The following DNAH2 variants were observed in gnomAD, a reference collection of about 807,000 sequenced individuals.
DNAH2 encodes axonemal beta dynein heavy chain 2.
In DNAH2, 323 loss-of-function variants were observed where a neutral mutation model predicts 523.5. The observed-to-expected ratio is 0.62, with a 90% CI of 0.56 to 0.68. The LOEUF (loss-of-function observed/expected upper bound fraction) is 0.68. Ranked by LOEUF, DNAH2 falls within the 30% of genes least tolerant of loss-of-function variation. The pLI is 0.00. For missense variants in DNAH2, 4,907 were observed against 5,701.5 expected (o/e 0.86, Z 4.49); for synonymous variants, 2,093 against 2,177.4 (o/e 0.96, Z 1.08).
rs778946366 is a variant in DNAH2 at position 7,764,223 on chromosome 17, C to T, written c.3286C>T (p.His1096Tyr). 6.2e-7 allele frequency: 1 copy of T among 1,613,742 alleles called. No homozygotes were observed. The highest frequency in any genetic ancestry group is 8.5e-7 in the Non-Finnish European group (1 of 1,179,872). Residue 1096 changes from histidine to tyrosine, a missense_variant, in exon 20 of 86, where the codon CAC becomes TAC. Transcript: ENST00000572933. Reference protein sequence around the residue: ...ANVETQIPPIHEQFAILEKYE... With the variant: ...ANVETQIPPIYEQFAILEKYE... ...CGTGGAGACTCAGATCCCTCCCATA[C>T]ACGAGCAATTTGCCATTCTTGAAAA...
intron 12 of DNAH2, chr17:7,743,363 CAACAA>C (rs916387615): frequency 3.1e-5 from 22 of 710,242 alleles, no homozygotes; most frequent in Non-Finnish European, 5.4e-5. Flanking sequence ...TCTTAAAACA[CAACAA>C]AACAAAACAA....
At chr17:7,784,751 A>G (rs1428535305) in intron 39 of DNAH2, among the ~76,000 whole-genome samples, 1 of 152,210 alleles carries the variant, frequency 6.6e-6, no homozygotes, top group Non-Finnish European at 1.5e-5. Flanking sequence ...CTTTATGGCA[A>G]GAAGCAATCG....
At chr17:7,737,981 C>T (rs552424025) in intron 8 of DNAH2, 169 of 703,064 alleles carry the variant, frequency 2.4e-4, no homozygotes, top group African/African-American at 2.3e-3. Context: ...TGAGATCATC[C>T]GCTTATGCTG....
chr17:7,817,440 A>T (rs9904219), intron 65 of DNAH2, 25 bp downstream of exon 65: 1 of 1,613,736 alleles, frequency 6.2e-7, no homozygotes, highest in South Asian at 1.1e-5. Flanking sequence ...AGGCATGACA[A>T]GTAGGCTCCG....
At chr17:7,818,573 G>A (rs747811141) in intron 69 of DNAH2, 70 bp from the exon 70 acceptor site, 136 of 1,604,436 alleles carry the variant, frequency 8.5e-5, no homozygotes, top group Middle Eastern at 3.3e-4. Flanking sequence ...GTCTTTCAAG[G>A]TGGAAAGAGA....
chr17:7,823,395 G>T, intron 73 of DNAH2, 47 bp from the exon 74 acceptor site: 5 of 1,497,240 alleles, frequency 3.3e-6, no homozygotes, highest in Non-Finnish European at 4.6e-6. Context: ...CTCTTCTTTT[G>T]AAGTATTCCC....
intron 28 of DNAH2, among the ~76,000 whole-genome samples, 161 bp downstream of exon 28, chr17:7,771,629 A>C (rs924547858): frequency 1.3e-5 from 2 of 152,230 alleles, no homozygotes; most frequent in African/African-American, 4.8e-5. Context: ...TCTGTAAATT[A>C]AACTCAACAA....
chr17:7,823,092 G>C (rs1412279136), intron 73 of DNAH2, among the ~76,000 whole-genome samples: 1 of 152,040 alleles, frequency 6.6e-6, no homozygotes, highest in Non-Finnish European at 1.5e-5. Flanking sequence ...TCAGGAGTTC[G>C]AGACCAGCCT....
intron 28 of DNAH2, among the ~76,000 whole-genome samples, chr17:7,772,859 C>T (rs1284378367): frequency 6.6e-6 from 1 of 152,160 alleles, no homozygotes; most frequent in Non-Finnish European, 1.5e-5. Flanking sequence ...CCACAACCTC[C>T]ACCTCCCGGT....
Position 7,832,928 on chromosome 17 carries a change from G to T in DNAH2, c.12978G>T (p.Lys4326Asn). Residue 4326 changes from lysine (K) to asparagine (N), a missense_variant and splice_region_variant, in exon 84 of 86, where the codon AAG (lysine) becomes AAT (asparagine). Around this residue, in one of 3 missense-constraint regions of DNAH2, gnomAD observed 1,851 missense variants for 2,139.4 expected, o/e 0.87. Transcript: ENST00000572933. This position sits in a 1 kb window ranked among gnomAD's most constrained non-coding sequence, Gnocchi z 4.3. ...VDDSNLVYPP[K>N]DGVWVRGLYL... ...ACAGCAACCTAGTGTATCCCCCCAA[G>T]GTGGGAGCCAGTTGTGCTTGGGGCT... 3 of 1,614,196 alleles carry T rather than the reference G, an allele frequency of 1.9e-6. No homozygotes were observed. The highest frequency in any genetic ancestry group is 2.5e-6 in the Non-Finnish European group (3 of 1,180,024).
At chr17:7,741,084 A>G in intron 11 of DNAH2, 92 bp downstream of exon 11, 1 of 1,474,678 alleles carries the variant, frequency 6.8e-7, no homozygotes, top group Non-Finnish European at 9.1e-7. Flanking sequence ...AAGAGTCTTC[A>G]GGACCAGCAC....
rs1326854968 is a variant in DNAH2 at position 7,817,687 on chromosome 17, A to G, written c.10147A>G (p.Ile3383Val). 6.2e-7 allele frequency: 1 copy of G among 1,614,174 alleles called. No homozygotes were observed. The highest frequency in any genetic ancestry group is 1.7e-5 in the Admixed American group (1 of 60,034). ...PSDAFSTENG[I>V]IVTRGNRWAL... ...AGACGCCTTCTCCACTGAGAATGGCATCATCGTCACCCGAGGCAACAGGTG... is the reference window on the plus strand; with the variant it reads ...AGACGCCTTCTCCACTGAGAATGGCGTCATCGTCACCCGAGGCAACAGGTG... The change falls in exon 66 of 86, where the codon ATC becomes GTC. Residue 3383 changes from isoleucine to valine, a missense_variant. By Grantham distance (29) the Ile-to-Val change is conservative (BLOSUM62 3). Coordinates refer to ENST00000572933, the MANE Select transcript of DNAH2 (RefSeq NM_020877.5).
Position 7,799,133 on chromosome 17 carries a change from G to A in DNAH2, c.8590G>A (p.Val2864Met). The A allele has an allele frequency of 2.5e-6, 4 of 1,614,206 alleles. No individual in the cohort carries two copies. Among genetic ancestry groups the A allele is most frequent in the Non-Finnish European group, 3.4e-6 (4 of 1,180,042 alleles). Reference protein sequence around the residue: ...IQSHIIDQARVEQVPESSDSL... With the variant: ...IQSHIIDQARMEQVPESSDSL... The stretch of plus-strand genomic sequence containing the variant: ...GTCGCATATCATAGACCAGGCCCGG[G>A]TGGAGCAGGTGCCTGAGTCATCGGA... Residue 2864 changes from valine to methionine, a missense_variant, in exon 56 of 86, where the codon GTG (valine) becomes ATG (methionine). Coordinates refer to ENST00000572933, the MANE Select transcript of DNAH2 (RefSeq NM_020877.5).
At position 7,801,927 on chromosome 17, in the gene DNAH2, C is replaced by T; in HGVS notation, c.8882C>T (p.Ala2961Val). Residue 2961 changes from alanine (A) to valine (V), a missense_variant, in exon 58 of 86, where the codon GCT becomes GTT. Transcript: ENST00000572933. ...TTTGTCACTATGCACTGGTCAGTAG[C>T]TCAGTATTCCCAGAAGATGCTGTTG... ...QIFVTMHWSV[A>V]QYSQKMLLEL... 6 of 1,614,232 alleles carry T rather than the reference C, an allele frequency of 3.7e-6. No homozygotes were observed. Among genetic ancestry groups the T allele is most frequent in the Non-Finnish European group, 5.1e-6 (6 of 1,180,042 alleles).
Position 7,760,719 on chromosome 17 carries a change from A to G in DNAH2, c.2786-21A>G. 1.9e-6 allele frequency: 3 copies of G among 1,603,682 alleles called. No individual in the cohort carries two copies. The African/African-American group carries it at 4.0e-5, about 21-fold the overall frequency. On this transcript the variant is annotated intron_variant, in intron 17 of 85. Coordinates refer to ENST00000572933, the MANE Select transcript of DNAH2 (RefSeq NM_020877.5). This position sits in a 1 kb window ranked among gnomAD's most constrained non-coding sequence, Gnocchi z 4.0. The stretch of plus-strand genomic sequence containing the variant: ...GTTGGGGTGGAAGTCAGTGAGAAGC[A>G]TCTTTCTTGGTCCTTTGAAGAGCAA...
At chr17:7,797,894 A>AG (rs1271907071) in intron 53 of DNAH2, 65 bp downstream of exon 53, 10 of 1,532,584 alleles carry the variant, frequency 6.5e-6, no homozygotes, top group Non-Finnish European at 8.8e-6. Context: ...CTAAGGAAAT[A>AG]GGGGTCCCTT....
intron 4 of DNAH2, among the ~76,000 whole-genome samples, chr17:7,732,363 G>T (rs1272063640): frequency 6.7e-6 from 1 of 149,886 alleles, no homozygotes; most frequent in Admixed American, 6.6e-5. Context: ...TGAACCCGGG[G>T]GGCGGAGATT....
chr17:7,820,107 C>T (rs2077812483), intron 72 of DNAH2, among the ~76,000 whole-genome samples: 1 of 152,168 alleles, frequency 6.6e-6, no homozygotes, highest in African/African-American at 2.4e-5. Flanking sequence ...CCACGCCTGG[C>T]AAAAACTGGG....
chr17:7,822,343 C>T (rs973292398), intron 73 of DNAH2, among the ~76,000 whole-genome samples: 9 of 152,164 alleles, frequency 5.9e-5, no homozygotes, highest in African/African-American at 2.2e-4. Flanking sequence ...ACCACACAGC[C>T]CCCACTCCAC....
Sources: gnomAD v4.1 joint callset for allele counts (sites outside exome capture counted in the v4.1 genomes callset) on GRCh38, gnomAD v4.1.1 for gene constraint, gnomAD v4.1.1 regional missense constraint, Gnocchi (gnomAD v3.1) non-coding constraint, MANE v1.5 for transcripts, NCBI Gene and HGNC (gene_info 2026-07-23, HGNC 2026-07-21) for gene names.